The following RASAL2 variants were observed in gnomAD, a reference collection of about 807,000 sequenced individuals.
RASAL2 encodes the protein RAS protein activator like 2, also known as ras GTPase-activating protein nGAP.
In RASAL2, 58 loss-of-function variants were observed where a neutral mutation model predicts 128.9. The observed-to-expected ratio is 0.45, with a 90% CI of 0.36 to 0.56. The LOEUF is 0.56. RASAL2 is among the 20% of genes least tolerant of loss of function. The probability of loss-of-function intolerance (pLI) is 0.00; values close to 1 mark genes in which losing one functional copy is unlikely to be tolerated. For missense variants in RASAL2, 1,360 were observed against 1,601.6 expected (o/e 0.85, Z 2.57); for synonymous variants, 561 against 580.8 (o/e 0.97, Z 0.49).
intron 15 of RASAL2, 34 bp from the exon 16 acceptor site, chr1:178,465,886 T>C: frequency 7.1e-7 from 1 of 1,410,604 alleles, no homozygotes; most frequent in Non-Finnish European, 9.5e-7. Flanking sequence ...GCAATGTGAC[T>C]CTAGTTTTTG....
intron 2 of RASAL2, among the ~76,000 whole-genome samples, chr1:178,295,304 AG>A (rs1667443730): frequency 6.6e-6 from 1 of 151,152 alleles, no homozygotes; most frequent in African/African-American, 2.4e-5. Context: ...TTTGTTACAT[AG>A]GTACACGTGT....
intron 3 of RASAL2, among the ~76,000 whole-genome samples, chr1:178,363,445 A>G (rs1671232654): frequency 6.6e-6 from 1 of 152,182 alleles, no homozygotes; most frequent in African/African-American, 2.4e-5. Context: ...CCTAATGCGT[A>G]GGCCTCCTTT....
chr1:178,246,504 C>T (rs879638831), intron 1 of RASAL2, among the ~76,000 whole-genome samples: 8 of 152,122 alleles, frequency 5.3e-5, no homozygotes, highest in Non-Finnish European at 1.0e-4. Flanking sequence ...ACAATCATGT[C>T]GTCTGCAAAC....
chr1:178,261,813 A>G (rs1453647080), intron 1 of RASAL2, among the ~76,000 whole-genome samples: 1 of 151,738 alleles, frequency 6.6e-6, no homozygotes, highest in African/African-American at 2.4e-5. Flanking sequence ...GCTACTCAGG[A>G]GGCTGAGGCA....
chr1:178,218,190 A>G (rs1464280484), intron 1 of RASAL2, among the ~76,000 whole-genome samples: 1 of 152,200 alleles, frequency 6.6e-6, no homozygotes, highest in Non-Finnish European at 1.5e-5. Context: ...AAAGTCATCA[A>G]TGAAAGTTGG....
intron 1 of RASAL2, among the ~76,000 whole-genome samples, chr1:178,098,360 T>G (rs1658767933): frequency 6.6e-6 from 1 of 152,192 alleles, no homozygotes; most frequent in African/African-American, 2.4e-5. Context: ...TCCAAGAGCA[T>G]CAAATGCAGA....
intron 1 of RASAL2, among the ~76,000 whole-genome samples, chr1:178,185,359 A>G (rs1317129786): frequency 2.6e-5 from 4 of 152,004 alleles, no homozygotes; most frequent in Non-Finnish European, 4.4e-5. Context: ...GATGCTGAAG[A>G]GGAATGATGA....
chr1:178,337,768 A>G lies in RASAL2; in HGVS notation c.457+37650A>G, dbSNP rs569001577. On this transcript the variant is annotated intron_variant, in intron 3 of 17. Transcript: ENST00000367649. ...TTTTTTGAGACGGAGTTTTGCTCTT[A>G]TTGCCCAGGCTGGAGTGCAGTGGCG... is the stretch of plus-strand genomic sequence containing the variant. 1.3e-5 allele frequency among the ~76,000 whole-genome samples: 2 copies of G among 151,424 alleles called. 1 individual carries two copies. The highest frequency in any genetic ancestry group is 4.2e-4 in the South Asian group (2 of 4,784).
At chr1:178,176,697 G>C (rs999043120) in intron 1 of RASAL2, among the ~76,000 whole-genome samples, 2 of 151,836 alleles carry the variant, frequency 1.3e-5, no homozygotes, top group Admixed American at 1.3e-4. Context: ...CCAGGCTGGA[G>C]TGCATTGGCG....
At chr1:178,361,601 C>T (rs1384299562) in intron 3 of RASAL2, among the ~76,000 whole-genome samples, 3 of 151,986 alleles carry the variant, frequency 2.0e-5, no homozygotes, top group Admixed American at 1.3e-4. Context: ...TGAACATGTA[C>T]AGACTTTTGT....
At chr1:178,160,451 A>G (rs1400192677) in intron 1 of RASAL2, among the ~76,000 whole-genome samples, 5 of 152,202 alleles carry the variant, frequency 3.3e-5, no homozygotes, top group African/African-American at 1.2e-4. Flanking sequence ...CCTGGCCAAC[A>G]TGGCAAAACC....
intron 12 of RASAL2, among the ~76,000 whole-genome samples, chr1:178,455,597 G>C (rs1008901319): frequency 6.6e-6 from 1 of 152,168 alleles, no homozygotes; most frequent in Non-Finnish European, 1.5e-5. Context: ...CCTTATTCTC[G>C]AGGACCTTTT....
In RASAL2 at chr1:178,151,643, T is replaced by A. The variant is rs771697540; in HGVS notation, c.202+56949T>A. On this transcript the variant is annotated intron_variant, in intron 1 of 17. Transcript: ENST00000367649. ...ATATTGTGGTAGCTCACCTCCAAAA[T>A]GGCCTCCAATGATCCAAGGCTCCTG... 5.4e-4 allele frequency among the ~76,000 whole-genome samples: 82 copies of A among 152,316 alleles called. 1 individual carries two copies. The highest frequency in any genetic ancestry group is 1.2e-4 in the Non-Finnish European group (8 of 68,022).
chr1:178,224,534 A>G (rs1017537791), intron 1 of RASAL2, among the ~76,000 whole-genome samples: 17 of 152,240 alleles, frequency 1.1e-4, no homozygotes, highest in Non-Finnish European at 1.9e-4. Context: ...TTAGCTTTGT[A>G]TAAACAAGGA....
intron 1 of RASAL2, among the ~76,000 whole-genome samples, chr1:178,110,203 G>T (rs1240734167): frequency 6.6e-6 from 1 of 151,948 alleles, no homozygotes; most frequent in South Asian, 2.1e-4. Context: ...CCTTTCCCCA[G>T]CCTAACACTA....
At chr1:178,325,497 C>T (rs980025547) in intron 3 of RASAL2, among the ~76,000 whole-genome samples, 3 of 151,962 alleles carry the variant, frequency 2.0e-5, no homozygotes, top group African/African-American at 7.3e-5. Flanking sequence ...GTATTAGGAA[C>T]TAGATGAGCT....
chr1:178,399,071 A>G (rs1444858178), intron 4 of RASAL2, among the ~76,000 whole-genome samples: 1 of 152,182 alleles, frequency 6.6e-6, no homozygotes, highest in Non-Finnish European at 1.5e-5. Context: ...TTAATGGGAC[A>G]ATGGAGAATT....
intron 1 of RASAL2, among the ~76,000 whole-genome samples, chr1:178,156,783 G>A (rs1661099899): frequency 6.6e-6 from 1 of 152,090 alleles, no homozygotes; most frequent in African/African-American, 2.4e-5. Context: ...AGCGATTAAG[G>A]TCAGTGTTAA....
chr1:178,214,142 T>G (rs1663347369), intron 1 of RASAL2, among the ~76,000 whole-genome samples: 1 of 152,050 alleles, frequency 6.6e-6, no homozygotes, highest in African/African-American at 2.4e-5. Flanking sequence ...TGGTAATCCA[T>G]GTCTGTAGTC....
Sources: gnomAD v4.1 joint callset for allele counts (sites outside exome capture counted in the v4.1 genomes callset) on GRCh38, gnomAD v4.1.1 for gene constraint, MANE v1.5 for transcripts, NCBI Gene and HGNC (gene_info 2026-07-23, HGNC 2026-07-21) for gene names.